Variants in BMX observed in about 807,000 individuals in gnomAD.
BMX encodes cytoplasmic tyrosine-protein kinase BMX.
Under a neutral mutation model 59.2 loss-of-function variants are expected in BMX, and 31 were observed. The ratio of observed to expected loss-of-function variants is 0.52; its 90% CI spans 0.39 to 0.71. The LOEUF (loss-of-function observed/expected upper bound fraction) is 0.71. BMX is among the 30% of genes least tolerant of loss of function. BMX has a pLI of 0.00. For missense variants in BMX, 474 were observed against 491.7 expected (o/e 0.96, Z 0.34); for synonymous variants, 185 against 181.0 (o/e 1.02, Z -0.18).
At chrX:15,516,580 C>A (rs1278143513) in intron 5 of BMX, among the ~76,000 whole-genome samples, 1 of 110,665 alleles carries the variant, frequency 9.0e-6, no homozygotes, top group African/African-American at 3.3e-5. Flanking sequence ...GATATGTCAT[C>A]ATAGTTCAAA....
At chrX:15,533,837 T>A (rs1310711342) in intron 11 of BMX, among the ~76,000 whole-genome samples, 1 of 111,429 alleles carries the variant, frequency 9.0e-6, no homozygotes, top group Non-Finnish European at 1.9e-5. Context: ...ACCTCCATTA[T>A]TATCCTATAA....
At chrX:15,503,732 C>T (rs191484995) in intron 1 of BMX, among the ~76,000 whole-genome samples, 2 of 112,399 alleles carry the variant, frequency 1.8e-5, no homozygotes, top group Admixed American at 9.4e-5. Flanking sequence ...GCATTAGTAG[C>T]GTGGTCACGA....
intron 18 of BMX, among the ~76,000 whole-genome samples, chrX:15,552,514 C>A (rs1926246919): frequency 8.9e-6 from 1 of 112,237 alleles, no homozygotes; most frequent in Non-Finnish European, 1.9e-5. Flanking sequence ...GACCATGTTT[C>A]TTCTGGATTG....
At chrX:15,504,930 G>T (rs1250765985) in intron 1 of BMX, among the ~76,000 whole-genome samples, 1 of 111,978 alleles carries the variant, frequency 8.9e-6, no homozygotes, top group Non-Finnish European at 1.9e-5. Context: ...TGTTAATACT[G>T]ACTGGGTTTA....
chrX:15,556,129 G>A lies in BMX; in HGVS notation c.2010G>A (p.Arg670=). 8.3e-7 allele frequency: 1 copy of A among 1,205,131 alleles called. No individual in the cohort carries two copies. Among genetic ancestry groups the A allele is most frequent in the Non-Finnish European group, 1.1e-6 (1 of 892,596 alleles). ...QQLLSSIEPL[R]EKDKH is the part of the protein sequence containing the mutation. ...TCCTGTCTTCCATTGAACCACTTCG[G>A]GAAAAAGACAAGCATTGAAGAAGAA... Residue 670 remains arginine (R), a synonymous_variant, in exon 19 of 19, where the codon CGG becomes CGA. Transcript: ENST00000348343.
intron 1 of BMX, chrX:15,507,400 C>A (rs1389213417): frequency 2.0e-5 from 15 of 746,137 alleles, no homozygotes; most frequent in Non-Finnish European, 2.2e-5. Flanking sequence ...TCGGCTCTAG[C>A]GAGTCTAAGG....
Position 15,546,879 on chromosome X carries a change from C to A in BMX, c.1753C>A (p.His585Asn). ...CAAGTGGTCAGCTCCAGAGGTGTTT[C>A]ATTACTTCAAATACAGCAGCAAGTC... ...PVKWSAPEVF[H>N]YFKYSSKSDV... Residue 585 changes from histidine to asparagine, a missense_variant, in exon 17 of 19, where the codon CAT becomes AAT. Transcript: ENST00000348343. 8.3e-7 allele frequency: 1 copy of A among 1,210,661 alleles called. No homozygotes were observed. Among genetic ancestry groups the A allele is most frequent in the South Asian group, 1.8e-5 (1 of 56,891 alleles).
At chrX:15,512,077 A>T (rs1036079153) in intron 4 of BMX, among the ~76,000 whole-genome samples, 1 of 112,072 alleles carries the variant, frequency 8.9e-6, no homozygotes, top group Admixed American at 9.5e-5. Context: ...GTAACGAGGG[A>T]CTCAGAACTC....
rs1182448158 is a variant in BMX, at chrX:15,517,587, G to A, written c.446-342G>A. 6.2e-5 allele frequency among the ~76,000 whole-genome samples: 7 copies of A among 112,617 alleles called. No homozygotes were observed. In the South Asian group the frequency reaches 2.6e-3, roughly 41 times the overall value. ...GAGGTGTTGCAGCTCCTGAGCAGCT[G>A]TAATACTGTCTATCTGTCCAAGTAT... On this transcript the variant is annotated intron_variant, in intron 5 of 18. Transcript: ENST00000348343.
intron 13 of BMX, 145 bp downstream of exon 13, chrX:15,536,572 T>TAA: frequency 2.3e-6 from 1 of 427,863 alleles, no homozygotes. Flanking sequence ...AGGATTTTCT[T>TAA]TAAAAAAAAA....
Position 15,525,265 on chromosome X carries a change from TATAAA to T in BMX, c.753-20_753-16del. The T allele has an allele frequency of 8.4e-7, 1 of 1,195,931 alleles. No individual in the cohort carries two copies. The highest frequency in any genetic ancestry group is 1.8e-5 in the South Asian group (1 of 55,428). ...ATAAGTAGACATATGTTTATAAACT[TATAAA>T]ATGTCTCTTTTTTGCAGTAGCAGCA... On this transcript the variant is annotated intron_variant, in intron 7 of 18. Coordinates refer to ENST00000348343, the MANE Select transcript of BMX (RefSeq NM_203281.3).
At chrX:15,511,620 A>G in intron 4 of BMX, 102 bp downstream of exon 4, 1 of 608,456 alleles carries the variant, frequency 1.6e-6, no homozygotes, top group Non-Finnish European at 2.6e-6. Context: ...CAGTAAAAAG[A>G]CTCAATGCCA....
chrX:15,527,049 A>G (rs964275944), intron 9 of BMX, among the ~76,000 whole-genome samples: 1 of 107,547 alleles, frequency 9.3e-6, no homozygotes, highest in Non-Finnish European at 1.9e-5. Flanking sequence ...AGGGATGGAT[A>G]CCCCATAATC....
chrX:15,549,771 A>T, intron 17 of BMX, 69 bp from the exon 18 acceptor site: 1 of 1,132,535 alleles, frequency 8.8e-7, no homozygotes, highest in East Asian at 3.1e-5. Context: ...AACTCACTCC[A>T]CAAACCCTGT....
At chrX:15,538,173 C>A (rs1478551131) in intron 14 of BMX, among the ~76,000 whole-genome samples, 1 of 108,997 alleles carries the variant, frequency 9.2e-6, no homozygotes, top group Non-Finnish European at 1.9e-5. Context: ...CTTTCTCTCT[C>A]CCTCTCTCTC....
intron 7 of BMX, among the ~76,000 whole-genome samples, chrX:15,524,988 A>C (rs1924641157): frequency 8.9e-6 from 1 of 112,307 alleles, no homozygotes; most frequent in Non-Finnish European, 1.9e-5. Context: ...TAAGAAAATC[A>C]GGGCAAATCC....
At chrX:15,506,184 A>G (rs1483907806) in intron 1 of BMX, among the ~76,000 whole-genome samples, 1 of 111,475 alleles carries the variant, frequency 9.0e-6, no homozygotes, top group African/African-American at 3.3e-5. Flanking sequence ...CAGGCATGAG[A>G]CACTGTGCCC....
intron 6 of BMX, among the ~76,000 whole-genome samples, chrX:15,521,629 C>A (rs988007535): frequency 1.8e-5 from 2 of 111,313 alleles, no homozygotes; most frequent in African/African-American, 6.6e-5. Context: ...TGGTTCCTGG[C>A]TCCTTCCCCT....
Position 15,526,073 on chromosome X carries a change from G to A in BMX, c.862G>A (p.Glu288Lys), listed in dbSNP as rs1426155340. 1.2e-5 allele frequency: 15 copies of A among 1,208,542 alleles called. No homozygotes were observed. Among genetic ancestry groups the A allele is most frequent in the Non-Finnish European group, 1.7e-5 (15 of 893,610 alleles). Residue 288 changes from glutamate (E) to lysine (K), a missense_variant, in exon 9 of 19, where the codon GAG (glutamate) becomes AAG (lysine). Physicochemically the swap from Glu to Lys is moderately conservative, Grantham distance 56. Transcript: ENST00000348343. The part of the protein sequence containing the change: ...EFPESSSSEE[E>K]ENLDDYDWFA... The stretch of plus-strand genomic sequence containing the variant: ...CCCTGAGTCAAGTTCATCTGAAGAA[G>A]AGGAAAACCTGGATGATTATGAGTG...
Sources: allele counts gnomAD v4.1 joint callset (sites outside exome capture counted in the v4.1 genomes callset), GRCh38; gene constraint gnomAD v4.1.1; transcripts MANE v1.5; gene names NCBI Gene and HGNC (gene_info 2026-07-23, HGNC 2026-07-21).